Variants in KLHL31 observed in about 807,000 individuals in gnomAD.
KLHL31 encodes the protein kelch-like protein 31.
In KLHL31, 32 loss-of-function variants were observed where a neutral mutation model predicts 47.1. That is an observed-to-expected ratio of 0.68 (90% CI 0.51 to 0.91). The LOEUF (loss-of-function observed/expected upper bound fraction) is 0.91. KLHL31 is among the 40% of genes least tolerant of loss of function. The probability of loss-of-function intolerance (pLI) is 0.00; values close to 1 mark genes in which losing one functional copy is unlikely to be tolerated. For synonymous variants in KLHL31, 330 were observed against 325.1 expected (o/e 1.01, Z -0.16); for missense variants, 797 against 819.3 (o/e 0.97, Z 0.33).
rs944644242 is a variant in KLHL31 at position 53,651,909 on chromosome 6, C to A, written c.1594G>T (p.Val532Leu). ...GGGCTGTAGCACTCCACGGTGAGCA[C>A]GTCCACGCGCTCCCCGCGCGGCCCC... The part of the protein sequence containing the change: ...QLGPRGERVD[V>L]LTVECYSPAT... Residue 532 changes from valine to leucine, a missense_variant, in exon 3 of 3, where the codon GTG becomes TTG. Transcript: ENST00000370905. 3.1e-6 allele frequency: 5 copies of A among 1,590,704 alleles called. No individual in the cohort carries two copies. In the African/African-American group the frequency reaches 4.0e-5, roughly 13 times the overall value.
At position 53,654,351 on chromosome 6, in the gene KLHL31, G is replaced by C. The variant is rs182861065; in HGVS notation, c.922C>G (p.Arg308Gly). The change falls in exon 2 of 3, where the codon CGA becomes GGA. Residue 308 changes from arginine to glycine, a missense_variant. Coordinates refer to ENST00000370905, the MANE Select transcript of KLHL31 (RefSeq NM_001003760.5). Reference sequence around the variant, plus strand: ...CGGCAGCCACCTCGGATTCTTGTTCGCCTAGATTGCAATGTGTTTTGATGA... The same window carrying C: ...CGGCAGCCACCTCGGATTCTTGTTCCCCTAGATTGCAATGTGTTTTGATGA... ...PYHQNTLQSR[R>G]TRIRGGCRVL... is the part of the protein sequence containing the mutation. The C allele has an allele frequency of 1.3e-5, 21 of 1,614,156 alleles. 1 individual carries two copies. The South Asian group carries it at 1.8e-4, about 14-fold the overall frequency.
chr6:53,651,711 C>A lies in KLHL31; in HGVS notation c.1792G>T (p.Asp598Tyr). The change falls in exon 3 of 3, where the codon GAC becomes TAC. Residue 598 changes from aspartate (D) to tyrosine (Y), a missense_variant. Asp to Tyr is a radical substitution (Grantham distance 160). Transcript: ENST00000370905. ...CCGACAGTGGCCTCGGGTAGCTCGT[C>A]GTCCTCCGTCCACTCGTTGAGCTCG... Reference protein sequence around the residue: ...SPELNEWTEDDELPEATVGVS... With the variant: ...SPELNEWTEDYELPEATVGVS... 6.2e-7 allele frequency: 1 copy of A among 1,614,208 alleles called. No homozygotes were observed. Among genetic ancestry groups the A allele is most frequent in the Non-Finnish European group, 8.5e-7 (1 of 1,180,044 alleles).
intron 1 of KLHL31, among the ~76,000 whole-genome samples, chr6:53,661,341 C>T (rs115199101): frequency 0.018 from 2,775 of 152,208 alleles, 86 homozygotes; most frequent in African/African-American, 0.063. Context: ...CAAACTCTCC[C>T]GGCCTCTCAC....
intron 1 of KLHL31, among the ~76,000 whole-genome samples, chr6:53,660,935 C>T (rs1429834565): frequency 3.3e-5 from 5 of 152,158 alleles, no homozygotes; most frequent in South Asian, 2.1e-4. Context: ...ATCTCATTGC[C>T]GGGTCTGCAA....
At position 53,649,343 on chromosome 6, in the gene KLHL31, AC is replaced by A. The variant is rs1334596284; in HGVS notation, c.*2254del. 1 of 152,144 alleles carries A rather than the reference AC, an allele frequency of 6.6e-6. No individual in the cohort carries two copies. The highest frequency in any genetic ancestry group is 1.5e-5 in the Non-Finnish European group (1 of 67,980). The allele number at this position is 152,144 out of a possible 1,614,324, so 9.4% of individuals were successfully genotyped here. A position where few individuals can be genotyped will look rare whatever the true frequency, so the allele number is the denominator to read the frequency against. On this transcript the variant is annotated 3_prime_UTR_variant, in exon 3 of 3. Transcript: ENST00000370905. ...CCTAACTGTTGAAGCAGAAGATAGA[AC>A]AGCAATGCACCCAAGAGTCTGGTAA...
intron 1 of KLHL31, among the ~76,000 whole-genome samples, chr6:53,658,187 A>G (rs139290238): frequency 2.2e-4 from 34 of 152,348 alleles, no homozygotes; most frequent in African/African-American, 7.7e-4. Context: ...GACATGGCAA[A>G]TGCAAAATAT....
At position 53,663,816 on chromosome 6, in the gene KLHL31, C is replaced by T. The variant is rs116009148; in HGVS notation, c.-34+1785G>A. On this transcript the variant is annotated intron_variant, in intron 1 of 2. Coordinates refer to ENST00000370905, the MANE Select transcript of KLHL31 (RefSeq NM_001003760.5). Reference sequence around the variant, plus strand: ...AGAAATTGAGTTTTAAGACTGATGCCTTTTTGATTATCATAGAACTGAAAA... The same window carrying T: ...AGAAATTGAGTTTTAAGACTGATGCTTTTTTGATTATCATAGAACTGAAAA... Among the ~76,000 whole-genome samples, 1,101 of 152,182 alleles carry T rather than the reference C, an allele frequency of 7.2e-3. 15 individuals are homozygous for T. Among genetic ancestry groups the T allele is most frequent in the African/African-American group, 0.025 (1,028 of 41,520 alleles).
At chr6:53,664,102 A>G (rs1004677144) in intron 1 of KLHL31, among the ~76,000 whole-genome samples, 1 of 152,240 alleles carries the variant, frequency 6.6e-6, no homozygotes, top group Non-Finnish European at 1.5e-5. Context: ...GAACGAACTG[A>G]GACAAGGTTT....
In KLHL31 at chr6:53,654,858, T is replaced by C. The variant is rs1764533376; in HGVS notation, c.415A>G (p.Thr139Ala). The change falls in exon 2 of 3, where the codon ACA becomes GCA. Residue 139 changes from threonine (T) to alanine (A), a missense_variant. Transcript: ENST00000370905. ...GCAGCAGAAATAATGCTTCCTATTG[T>C]ATACAAGGAGAGAGTGAGCTTTCCA... is the stretch of plus-strand genomic sequence containing the variant. ...YTGKLTLSLY[T>A]IGSIISAAVY... 2 of 1,614,206 alleles carry C rather than the reference T, an allele frequency of 1.2e-6. No homozygotes were observed. The highest frequency in any genetic ancestry group is 1.3e-5 in the African/African-American group (1 of 75,060).
At chr6:53,660,253 G>A (rs1333265680) in intron 1 of KLHL31, among the ~76,000 whole-genome samples, 2 of 151,938 alleles carry the variant, frequency 1.3e-5, no homozygotes, top group African/African-American at 4.8e-5. Context: ...GTGCATTTCA[G>A]AAGAATTTGT....
At chr6:53,657,708 C>T (rs907787921) in intron 1 of KLHL31, among the ~76,000 whole-genome samples, 1 of 150,874 alleles carries the variant, frequency 6.6e-6, no homozygotes, top group Admixed American at 6.6e-5. Context: ...CTTTGGCTCT[C>T]CTTGAAGGGT....
chr6:53,660,168 T>G (rs1764624861), intron 1 of KLHL31, among the ~76,000 whole-genome samples: 3 of 152,164 alleles, frequency 2.0e-5, no homozygotes, highest in Non-Finnish European at 4.4e-5. Context: ...CATACAAATT[T>G]CTATCAGAGT....
At position 53,651,912 on chromosome 6, in the gene KLHL31, C is replaced by A; in HGVS notation, c.1591G>T (p.Asp531Tyr). The A allele has an allele frequency of 6.3e-7, 1 of 1,590,330 alleles. No homozygotes were observed. The highest frequency in any genetic ancestry group is 8.5e-7 in the Non-Finnish European group (1 of 1,174,788). Residue 531 changes from aspartate to tyrosine, a missense_variant, in exon 3 of 3, where the codon GAC becomes TAC. Physicochemically the swap from Asp to Tyr is radical, Grantham distance 160. Transcript: ENST00000370905. ...CTGTAGCACTCCACGGTGAGCACGT[C>A]CACGCGCTCCCCGCGCGGCCCCAGC... is the stretch of plus-strand genomic sequence containing the variant. The part of the protein sequence containing the change: ...SQLGPRGERV[D>Y]VLTVECYSPA...
chr6:53,655,646 G>A (rs115973792), intron 1 of KLHL31, among the ~76,000 whole-genome samples: 13,278 of 141,038 alleles, frequency 0.094, 664 homozygotes, highest in Non-Finnish European at 0.11. Context: ...TCTATCTGTC[G>A]CTCAGGCTGG....
Position 53,651,283 on chromosome 6 carries a change from G to A in KLHL31, c.*315C>T. 4.3e-6 allele frequency: 1 copy of A among 233,726 alleles called. No homozygotes were observed. Among genetic ancestry groups the A allele is most frequent in the Non-Finnish European group, 8.3e-6 (1 of 120,220 alleles). 14.5% of individuals were successfully genotyped at this position (233,726 alleles called of 1,614,324 possible). On this transcript the variant is annotated 3_prime_UTR_variant, in exon 3 of 3. Coordinates refer to ENST00000370905, the MANE Select transcript of KLHL31 (RefSeq NM_001003760.5). ...AAAAATCTCAAATGTGGGTGTAACC[G>A]CTATACATTTAGGAAACATGCCGCC... is the stretch of plus-strand genomic sequence containing the variant.
intron 1 of KLHL31, among the ~76,000 whole-genome samples, chr6:53,662,378 G>A (rs536642700): frequency 2.0e-5 from 3 of 152,356 alleles, no homozygotes; most frequent in African/African-American, 7.2e-5. Context: ...GGAAGGAGGA[G>A]CAGGTTTAGC....
At chr6:53,659,801 G>A (rs375472658) in intron 1 of KLHL31, among the ~76,000 whole-genome samples, 1 of 152,176 alleles carries the variant, frequency 6.6e-6, no homozygotes, top group Non-Finnish European at 1.5e-5. Context: ...TCTCCAGGAA[G>A]AGAGAGTGCA....
chr6:53,665,605 C>T lies in KLHL31; in HGVS notation c.-38G>A, dbSNP rs1764707468. The T allele has an allele frequency of 6.6e-6, 1 of 152,382 alleles. No individual in the cohort carries two copies. The highest frequency in any genetic ancestry group is 1.5e-5 in the Non-Finnish European group (1 of 68,124). 9.4% of individuals were successfully genotyped at this position (152,382 alleles called of 1,614,324 possible). A position where few individuals can be genotyped will look rare whatever the true frequency, so the allele number is the denominator to read the frequency against. ...ACTCTGGTCCCAGCTCCTTACCCTC[C>T]TTGGGTGAAGTGGCAGGTCAACTTG... On this transcript the variant is annotated 5_prime_UTR_variant, in exon 1 of 3. Coordinates refer to ENST00000370905, the MANE Select transcript of KLHL31 (RefSeq NM_001003760.5).
At chr6:53,656,428 A>G (rs997590041) in intron 1 of KLHL31, among the ~76,000 whole-genome samples, 3 of 152,180 alleles carry the variant, frequency 2.0e-5, no homozygotes, top group Non-Finnish European at 4.4e-5. Flanking sequence ...TCAGTGGAAT[A>G]AGATAAGAGG....
Sources: allele counts gnomAD v4.1 joint callset (sites outside exome capture counted in the v4.1 genomes callset), GRCh38; gene constraint gnomAD v4.1.1; transcripts MANE v1.5; gene names NCBI Gene and HGNC (gene_info 2026-07-23, HGNC 2026-07-21).